GRIN3B: variants seen among roughly 807,000 people sequenced by gnomAD.
The protein encoded by GRIN3B is glutamate ionotropic receptor NMDA type subunit 3B.
Under a neutral mutation model 66.0 loss-of-function variants are expected in GRIN3B, and 77 were observed. That is an observed-to-expected ratio of 1.17 (90% confidence interval 0.97 to 1.41). GRIN3B has a LOEUF of 1.41. GRIN3B is among the 40% of genes most tolerant of loss of function. GRIN3B has a pLI of 0.00. For synonymous variants in GRIN3B, 823 were observed against 749.7 expected, an observed-to-expected ratio of 1.10 and a Z score of -1.60; for missense variants, 1,787 against 1,564.5, an observed-to-expected ratio of 1.14 and a Z score of -2.40.
chr19:1,008,195 C>G lies in GRIN3B; in HGVS notation c.2370C>G (p.Phe790Leu). The change falls in exon 6 of 9, where the codon TTC becomes TTG. Residue 790 changes from phenylalanine (F) to leucine (L), a missense_variant. Transcript: ENST00000234389. Reference protein sequence around the residue: ...NSPLTSNLSEFISRYKSSGFI... With the variant: ...NSPLTSNLSELISRYKSSGFI... Reference sequence around the variant, plus strand: ...CGCTCACCTCCAACCTGTCCGAGTTCATCAGCCGCTACAAGTCCTCCGGCT... The same window carrying G: ...CGCTCACCTCCAACCTGTCCGAGTTGATCAGCCGCTACAAGTCCTCCGGCT... 3 of 1,611,222 alleles carry G rather than the reference C, an allele frequency of 1.9e-6. No individual in the cohort carries two copies. The highest frequency in any genetic ancestry group is 2.5e-6 in the Non-Finnish European group (3 of 1,179,274).
chr19:1,005,487 C>T lies in GRIN3B; in HGVS notation c.1986C>T (p.Ala662=), dbSNP rs777388688. 4 of 1,613,232 alleles carry T rather than the reference C, an allele frequency of 2.5e-6. No homozygotes were observed. The South Asian group carries it at 4.4e-5, about 18-fold the overall frequency. ...FCLLVLSSYT[A]NLAAVMVGDK... is the part of the protein sequence containing the mutation. ...TGCTGGTGCTGTCCAGCTACACGGC[C>T]AACCTGGCTGCCGTCATGGTCGGGG... The change falls in exon 3 of 9, where the codon GCC becomes GCT. Residue 662 remains alanine (A), a synonymous_variant. Transcript: ENST00000234389. This position sits in a 1 kb window ranked among gnomAD's most constrained non-coding sequence, Gnocchi z 5.2.
At chr19:1,006,084 A>G (rs1320103821) in intron 3 of GRIN3B, among the ~76,000 whole-genome samples, 2 of 152,186 alleles carry the variant, frequency 1.3e-5, no homozygotes, top group Non-Finnish European at 2.9e-5. Context: ...GCCGGGGCTC[A>G]AGCAGTTCTC....
At position 1,009,518 on chromosome 19, in the gene GRIN3B, T is replaced by C. The variant is rs2145547025; in HGVS notation, c.3048T>C (p.Arg1016=). The change falls in exon 9 of 9, where the codon CGT becomes CGC. Residue 1016 remains arginine, a synonymous_variant. Coordinates refer to ENST00000234389, the MANE Select transcript of GRIN3B (RefSeq NM_138690.3). ...TGGCACAGCTCGGGGACAGCGCACG[T>C]CACCGGCCTCGGCGCTTGCTTCAGG... ...QLLAQLGDSA[R]HRPRRLLQAR... is the part of the protein sequence containing the mutation. 3 of 1,492,250 alleles carry C rather than the reference T, an allele frequency of 2.0e-6. 1 individual carries two copies. The South Asian group carries it at 3.8e-5, about 19-fold the overall frequency. The allele number at this position is 1,492,250 out of a possible 1,614,324, so 92.4% of individuals were successfully genotyped here.
chr19:1,009,625 C>A lies in GRIN3B; in HGVS notation c.*23C>A. 1 of 1,405,004 alleles carries A rather than the reference C, an allele frequency of 7.1e-7. No homozygotes were observed. Among genetic ancestry groups the A allele is most frequent in the Admixed American group, 3.2e-5 (1 of 31,252 alleles). 87.0% of individuals were successfully genotyped at this position (1,405,004 alleles called of 1,614,324 possible). ...TGAGGCGGCAGCCGGGCCGTTTGGG[C>A]TCAAGACACACACACAGCGCAGTGA... On this transcript the variant is annotated 3_prime_UTR_variant, in exon 9 of 9. Coordinates refer to ENST00000234389, the MANE Select transcript of GRIN3B (RefSeq NM_138690.3).
intron 1 of GRIN3B, among the ~76,000 whole-genome samples, 198 bp downstream of exon 1, chr19:1,001,061 G>A (rs558751072): frequency 2.0e-5 from 3 of 152,240 alleles, no homozygotes; most frequent in South Asian, 4.1e-4. Context: ...GAACCCAGAG[G>A]AAGAGACCCA....
At chr19:1,006,388 G>A (rs1464018332) in intron 3 of GRIN3B, among the ~76,000 whole-genome samples, 4 of 150,986 alleles carry the variant, frequency 2.6e-5, no homozygotes, top group African/African-American at 7.3e-5. Flanking sequence ...CTCGTGATCC[G>A]CCCACCTCGG....
rs1483123258 is a variant in GRIN3B, at chr19:1,009,396, G to A, written c.2926G>A (p.Gly976Arg). The A allele has an allele frequency of 5.6e-6, 8 of 1,417,018 alleles. No homozygotes were observed. Among genetic ancestry groups the A allele is most frequent in the South Asian group, 1.4e-5 (1 of 69,622 alleles). 87.8% of individuals were successfully genotyped at this position (1,417,018 alleles called of 1,614,324 possible). A position where few individuals can be genotyped will look rare whatever the true frequency, so the allele number is the denominator to read the frequency against. ...CCGCCCGCCCGCCGCAAGGCCCACG[G>A]GGGCCCCCCAGCCCGGGGAGCTGCA... is the stretch of plus-strand genomic sequence containing the variant. ...YGRPPAARPTGAPQPGELQEL... is the reference protein window; with the variant it reads ...YGRPPAARPTRAPQPGELQEL... The change falls in exon 9 of 9, where the codon GGG (glycine) becomes AGG (arginine). Residue 976 changes from glycine (G) to arginine (R), a missense_variant. Physicochemically the swap from Gly to Arg is moderately radical, Grantham distance 125 (BLOSUM62 -2). Transcript: ENST00000234389.
rs1465782813 is a variant in GRIN3B at position 1,005,317 on chromosome 19, C to T, written c.1816C>T (p.Arg606Cys). 16 of 1,613,686 alleles carry T rather than the reference C, an allele frequency of 9.9e-6. No individual in the cohort carries two copies. Among genetic ancestry groups the T allele is most frequent in the African/African-American group, 2.7e-5 (2 of 75,066 alleles). ...GCGTAGCCCCTACGGCCTCACGCCACGTGGCCGCAACCGCAGCACCGTCTT... is the reference window on the plus strand; with the variant it reads ...GCGTAGCCCCTACGGCCTCACGCCATGTGGCCGCAACCGCAGCACCGTCTT... The part of the protein sequence containing the change: ...EWRSPYGLTP[R>C]GRNRSTVFSY... Residue 606 changes from arginine to cysteine, a missense_variant, in exon 3 of 9, where the codon CGT becomes TGT. By Grantham distance (180) the Arg-to-Cys change is radical. Coordinates refer to ENST00000234389, the MANE Select transcript of GRIN3B (RefSeq NM_138690.3). This position sits in a 1 kb window ranked among gnomAD's most constrained non-coding sequence, Gnocchi z 5.2.
At chr19:1,008,584 TGAC>T (rs1298020611) in intron 6 of GRIN3B, 31 bp from the exon 7 acceptor site, 1 of 1,581,174 alleles carries the variant, frequency 6.3e-7, no homozygotes, top group Non-Finnish European at 8.6e-7. Context: ...TGCCATTACG[TGAC>T]CGTGCGGGGC....
chr19:1,004,431 C>T lies in GRIN3B; in HGVS notation c.1020-90C>T. The T allele has an allele frequency of 9.7e-6, 11 of 1,136,444 alleles. No homozygotes were observed. The South Asian group carries it at 1.4e-4, about 14-fold the overall frequency. The allele number at this position is 1,136,444 out of a possible 1,614,324, so 70.4% of individuals were successfully genotyped here. ...GTCCTCATGATACGGACAAGAGCGA[C>T]CAGTGGGAATCGGGCACGTGCTGGG... On this transcript the variant is annotated intron_variant, in intron 2 of 8. Coordinates refer to ENST00000234389, the MANE Select transcript of GRIN3B (RefSeq NM_138690.3).
rs1225932892 is a variant in GRIN3B, at chr19:1,008,196, A to G, written c.2371A>G (p.Ile791Val). ...GCTCACCTCCAACCTGTCCGAGTTC[A>G]TCAGCCGCTACAAGTCCTCCGGCTT... ...SPLTSNLSEF[I>V]SRYKSSGFID... is the part of the protein sequence containing the mutation. Residue 791 changes from isoleucine (I) to valine (V), a missense_variant, in exon 6 of 9, where the codon ATC becomes GTC. Physicochemically the swap from Ile to Val is conservative, Grantham distance 29. Coordinates refer to ENST00000234389, the MANE Select transcript of GRIN3B (RefSeq NM_138690.3). 1.2e-6 allele frequency: 2 copies of G among 1,611,336 alleles called. No individual in the cohort carries two copies. Among genetic ancestry groups the G allele is most frequent in the Non-Finnish European group, 1.7e-6 (2 of 1,179,316 alleles).
Position 1,009,410 on chromosome 19 carries a change from C to G in GRIN3B, c.2940C>G (p.Pro980=), listed in dbSNP as rs1242542930. 7.0e-7 allele frequency: 1 copy of G among 1,435,510 alleles called. No homozygotes were observed. Among genetic ancestry groups the G allele is most frequent in the Non-Finnish European group, 9.1e-7 (1 of 1,100,514 alleles). 88.9% of individuals were successfully genotyped at this position (1,435,510 alleles called of 1,614,324 possible). ...PAARPTGAPQ[P]GELQELERRI... Reference sequence around the variant, plus strand: ...CAAGGCCCACGGGGGCCCCCCAGCCCGGGGAGCTGCAGGAGCTGGAGCGCC... The same window carrying G: ...CAAGGCCCACGGGGGCCCCCCAGCCGGGGGAGCTGCAGGAGCTGGAGCGCC... The change falls in exon 9 of 9, where the codon CCC becomes CCG. Residue 980 remains proline (P), a synonymous_variant. Coordinates refer to ENST00000234389, the MANE Select transcript of GRIN3B (RefSeq NM_138690.3).
rs550514014 is a variant in GRIN3B at position 1,005,436 on chromosome 19, C to G, written c.1935C>G (p.Leu645=). 1 of 1,613,616 alleles carries G rather than the reference C, an allele frequency of 6.2e-7. No homozygotes were observed. Among genetic ancestry groups the G allele is most frequent in the East Asian group, 2.2e-5 (1 of 44,876 alleles). ...CCAAGTGCCCCACGGGCCGCCTGCT[C>G]ATGAACCTCTGGGCCATCTTCTGCC... ...KTPKCPTGRL[L]MNLWAIFCLL... is the part of the protein sequence containing the mutation. Residue 645 remains leucine, a synonymous_variant, in exon 3 of 9, where the codon CTC becomes CTG. Coordinates refer to ENST00000234389, the MANE Select transcript of GRIN3B (RefSeq NM_138690.3). This position sits in a 1 kb window ranked among gnomAD's most constrained non-coding sequence, Gnocchi z 5.2.
rs1204882987 is a variant in GRIN3B, at chr19:1,009,182, G to A, written c.2712G>A (p.Glu904=). The A allele has an allele frequency of 1.3e-5, 19 of 1,473,600 alleles. No homozygotes were observed. Among genetic ancestry groups the A allele is most frequent in the Admixed American group, 2.5e-5 (1 of 39,374 alleles). 91.3% of individuals were successfully genotyped at this position (1,473,600 alleles called of 1,614,324 possible). A position where few individuals can be genotyped will look rare whatever the true frequency, so the allele number is the denominator to read the frequency against. ...CCGGTTCCGTCCCCAGCGGCCCCGAGGTGGAGCAGCAGCAGCAGCAGCAGG... is the reference window on the plus strand; with the variant it reads ...CCGGTTCCGTCCCCAGCGGCCCCGAAGTGGAGCAGCAGCAGCAGCAGCAGG... ...ETAEAEPSGP[E]VEQQQQQQDQ... Residue 904 remains glutamate (E), a synonymous_variant, in exon 9 of 9, where the codon GAG becomes GAA. Coordinates refer to ENST00000234389, the MANE Select transcript of GRIN3B (RefSeq NM_138690.3).
rs765725337 is a variant in GRIN3B at position 1,003,326 on chromosome 19, G to A, written c.623G>A (p.Arg208Gln). ...CAGCTGGTCCTGGACCTAAGCCGGC[G>A]GGACACGGGAGATGCAGGACTGCGG... The part of the protein sequence containing the change: ...PPQLVLDLSR[R>Q]DTGDAGLRAR... Residue 208 changes from arginine (R) to glutamine (Q), a missense_variant, in exon 2 of 9, where the codon CGG (arginine) becomes CAG (glutamine). Arg to Gln is a conservative substitution (Grantham distance 43). Coordinates refer to ENST00000234389, the MANE Select transcript of GRIN3B (RefSeq NM_138690.3). 18 of 1,573,474 alleles carry A rather than the reference G, an allele frequency of 1.1e-5. No individual in the cohort carries two copies. The highest frequency in any genetic ancestry group is 7.0e-5 in the East Asian group (3 of 43,128).
intron 1 of GRIN3B, among the ~76,000 whole-genome samples, 157 bp from the exon 2 acceptor site, chr19:1,002,973 G>A (rs1242472228): frequency 2.6e-5 from 4 of 151,990 alleles, no homozygotes; most frequent in African/African-American, 2.4e-5. Context: ...GATGGGGAAC[G>A]ATGGAAGGGT....
Position 1,007,609 on chromosome 19 carries a change from G to T in GRIN3B, c.2053-19G>T. ...GTCCTGAGGGGCAGGCAGAGGCGCT[G>T]ACGGGGTCCCCCGCGCAGCTGCACC... On this transcript the variant is annotated intron_variant, in intron 3 of 8. Transcript: ENST00000234389. This position sits in a 1 kb window ranked among gnomAD's most constrained non-coding sequence, Gnocchi z 4.4. 6.8e-7 allele frequency: 1 copy of T among 1,479,828 alleles called. No individual in the cohort carries two copies. Among genetic ancestry groups the T allele is most frequent in the Non-Finnish European group, 8.9e-7 (1 of 1,117,996 alleles). 91.7% of individuals were successfully genotyped at this position (1,479,828 alleles called of 1,614,324 possible).
rs149278438 is a variant in GRIN3B, at chr19:1,005,535, G to T, written c.2034G>T (p.Ser678=). ...MVGDKTFEEL[S]GIHDPKLHHP... is the part of the protein sequence containing the mutation. Reference sequence around the variant, plus strand: ...GGGACAAGACCTTCGAGGAGCTGTCGGGGATCCACGACCCCAAGGTGGGCG... The same window carrying T: ...GGGACAAGACCTTCGAGGAGCTGTCTGGGATCCACGACCCCAAGGTGGGCG... The change falls in exon 3 of 9, where the codon TCG becomes TCT. Residue 678 remains serine, a synonymous_variant. Coordinates refer to ENST00000234389, the MANE Select transcript of GRIN3B (RefSeq NM_138690.3). The surrounding 1 kb of genome is among the most constrained non-coding windows in gnomAD (Gnocchi z 5.2). 3 of 1,602,978 alleles carry T rather than the reference G, an allele frequency of 1.9e-6. No homozygotes were observed. Among genetic ancestry groups the T allele is most frequent in the African/African-American group, 2.7e-5 (2 of 74,788 alleles).
rs73497146 is a variant in GRIN3B at position 1,007,030 on chromosome 19, G to C, written c.2053-598G>C. Among the ~76,000 whole-genome samples the C allele has an allele frequency of 0.023, 3,546 of 152,260 alleles. 142 individuals are homozygous for C. The highest frequency in any genetic ancestry group is 0.081 in the African/African-American group (3,369 of 41,514). On this transcript the variant is annotated intron_variant, in intron 3 of 8. Transcript: ENST00000234389. This position sits in a 1 kb window ranked among gnomAD's most constrained non-coding sequence, Gnocchi z 4.4. ...AACAGACCACGGGTGGTGCAGGGAG[G>C]ACCCCGCAGAGGGGCCTGGGCTGGT...
Sources: gnomAD v4.1 joint callset for allele counts (sites outside exome capture counted in the v4.1 genomes callset) on GRCh38, gnomAD v4.1.1 for gene constraint, Gnocchi (gnomAD v3.1) non-coding constraint, MANE v1.5 for transcripts, NCBI Gene and HGNC (gene_info 2026-07-23, HGNC 2026-07-21) for gene names.